SPRED1: variants seen among roughly 807,000 people sequenced by gnomAD.
SPRED1 encodes sprouty related EVH1 domain containing 1.
Under a neutral mutation model 52.3 loss-of-function variants are expected in SPRED1, and 18 were observed. The observed-to-expected ratio is 0.34, with a 90% confidence interval of 0.24 to 0.51. The LOEUF is 0.51. Among genes scored for constraint, SPRED1 ranks in the 20% least tolerant of loss-of-function variants. SPRED1 has a pLI of 0.97. For missense variants in SPRED1, 485 were observed against 551.0 expected (o/e 0.88, Z 1.20); for synonymous variants, 155 against 179.7 (o/e 0.86, Z 1.10).
At position 38,324,614 on chromosome 15, in the gene SPRED1, G is replaced by A. The variant is rs1879939; in HGVS notation, c.377-149G>A. 600,106 of 618,086 alleles carry A rather than the reference G, an allele frequency of 0.97. 293,537 individuals are homozygous for A. Among genetic ancestry groups the A allele is most frequent in the East Asian group, 1 (35,739 of 35,740 alleles). 38.3% of individuals were successfully genotyped at this position (618,086 alleles called of 1,614,324 possible). A position where few individuals can be genotyped will look rare whatever the true frequency, so the allele number is the denominator to read the frequency against. ...CTCCATTATTCTAACAGGGGCAAATGCAAGTGGCCAGTACCTTAATTGCCA... is the reference window on the plus strand; with the variant it reads ...CTCCATTATTCTAACAGGGGCAAATACAAGTGGCCAGTACCTTAATTGCCA... On this transcript the variant is annotated intron_variant, in intron 3 of 6. Coordinates refer to ENST00000299084, the MANE Select transcript of SPRED1 (RefSeq NM_152594.3).
intron 2 of SPRED1, among the ~76,000 whole-genome samples, chr15:38,321,856 A>G (rs1242303179): frequency 6.6e-6 from 1 of 152,170 alleles, no homozygotes; most frequent in Non-Finnish European, 1.5e-5. Context: ...CGGCCTCCCA[A>G]AGTGCTGGGA....
chr15:38,351,268 G>A lies in SPRED1; in HGVS notation c.939G>A (p.Thr313=), dbSNP rs140644874. Reference sequence around the variant, plus strand: ...CCAAAGACTCTGTGGTATTTAAGACGCAGCCTTCCTCATTAAAAATTAAGA... The same window carrying A: ...CCAAAGACTCTGTGGTATTTAAGACACAGCCTTCCTCATTAAAAATTAAGA... ...SSPKDSVVFK[T]QPSSLKIKKS... Residue 313 remains threonine, a synonymous_variant, in exon 7 of 7, where the codon ACG becomes ACA. Transcript: ENST00000299084. 1,198 of 1,614,090 alleles carry A rather than the reference G, an allele frequency of 7.4e-4. No individual in the cohort carries two copies. Among genetic ancestry groups the A allele is most frequent in the Non-Finnish European group, 8.8e-4 (1,038 of 1,180,014 alleles).
At chr15:38,316,975 T>C (rs1461665217) in intron 2 of SPRED1, among the ~76,000 whole-genome samples, 1 of 151,786 alleles carries the variant, frequency 6.6e-6, no homozygotes, top group Non-Finnish European at 1.5e-5. Flanking sequence ...ACATTTAATA[T>C]TTACTTTACA....
chr15:38,335,085 AC>A (rs1326292372), intron 4 of SPRED1, among the ~76,000 whole-genome samples: 1 of 152,106 alleles, frequency 6.6e-6, no homozygotes, highest in Non-Finnish European at 1.5e-5. Flanking sequence ...TTATATACTT[AC>A]ATTCCATTTC....
In SPRED1 at chr15:38,355,706, A is replaced by C. The variant is rs189589145; in HGVS notation, c.*4042A>C. 3.9e-5 allele frequency: 6 copies of C among 152,364 alleles called. No individual in the cohort carries two copies. In the East Asian group the frequency reaches 1.2e-3, roughly 29 times the overall value. The allele number at this position is 152,364 out of a possible 1,614,324, so 9.4% of individuals were successfully genotyped here. ...AAACTTAGAAAACTTTAGTTACCTG[A>C]AAAGCAAGGATTCTTTACTAATTAT... On this transcript the variant is annotated 3_prime_UTR_variant, in exon 7 of 7. Coordinates refer to ENST00000299084, the MANE Select transcript of SPRED1 (RefSeq NM_152594.3).
intron 2 of SPRED1, among the ~76,000 whole-genome samples, chr15:38,306,768 T>G (rs895542260): frequency 6.6e-6 from 1 of 152,226 alleles, no homozygotes; most frequent in Admixed American, 6.5e-5. Flanking sequence ...CTGGTTGCCT[T>G]TATTTTCTCA....
At chr15:38,279,149 G>A (rs1314298077) in intron 1 of SPRED1, among the ~76,000 whole-genome samples, 1 of 152,064 alleles carries the variant, frequency 6.6e-6, no homozygotes, top group African/African-American at 2.4e-5. Context: ...TTTGATCCAA[G>A]GTTGGTTGCA....
rs553203808 is a variant in SPRED1 at position 38,266,345 on chromosome 15, T to G, written c.32+13128T>G. ...AAGAACATATAACAGCCTTAAATGA[T>G]GTATCAAATTAGGGCCAGGCACGGT... On this transcript the variant is annotated intron_variant, in intron 1 of 6. Coordinates refer to ENST00000299084, the MANE Select transcript of SPRED1 (RefSeq NM_152594.3). Among the ~76,000 whole-genome samples the G allele has an allele frequency of 5.6e-4, 85 of 152,276 alleles. No individual in the cohort carries two copies. The Middle Eastern group carries it at 0.01, about 18-fold the overall frequency.
At chr15:38,311,844 A>G (rs377426225) in intron 2 of SPRED1, among the ~76,000 whole-genome samples, 4 of 152,022 alleles carry the variant, frequency 2.6e-5, no homozygotes, top group East Asian at 3.9e-4. Flanking sequence ...ATTGGTTTTT[A>G]GAAAAGTAGT....
chr15:38,266,860 T>A (rs571437693), intron 1 of SPRED1, among the ~76,000 whole-genome samples: 31 of 152,300 alleles, frequency 2.0e-4, no homozygotes, highest in African/African-American at 7.5e-4. Flanking sequence ...TTATTGGATG[T>A]TGTATATAGA....
chr15:38,285,750 A>G (rs1194097202), intron 1 of SPRED1, among the ~76,000 whole-genome samples: 2 of 152,148 alleles, frequency 1.3e-5, no homozygotes, highest in South Asian at 2.1e-4. Flanking sequence ...AGATCACTCA[A>G]ATGTTCCTGG....
At chr15:38,259,607 G>C (rs1894165587) in intron 1 of SPRED1, among the ~76,000 whole-genome samples, 1 of 152,080 alleles carries the variant, frequency 6.6e-6, no homozygotes, top group Non-Finnish European at 1.5e-5. Context: ...GTAAACAAAG[G>C]CTATTGGGCT....
At chr15:38,258,132 TTAAA>T (rs1208967977) in intron 1 of SPRED1, among the ~76,000 whole-genome samples, 1 of 152,220 alleles carries the variant, frequency 6.6e-6, no homozygotes, top group African/African-American at 2.4e-5. Flanking sequence ...AATTCTGCCA[TTAAA>T]TAACAGCTGC....
intron 1 of SPRED1, among the ~76,000 whole-genome samples, chr15:38,260,985 C>G (rs925477384): frequency 1.3e-5 from 2 of 152,118 alleles, no homozygotes; most frequent in South Asian, 4.1e-4. Flanking sequence ...TTTTTAAGAA[C>G]TAGCAAATCA....
intron 1 of SPRED1, chr15:38,268,265 T>C (rs982127760): frequency 2.6e-5 from 4 of 152,218 alleles, no homozygotes; most frequent in Admixed American, 6.5e-5. Flanking sequence ...TTTAGTATTA[T>C]CTCTTATTTT....
intron 1 of SPRED1, among the ~76,000 whole-genome samples, chr15:38,277,318 C>A (rs7165021): frequency 0.83 from 125,435 of 151,964 alleles, 52,523 homozygotes; most frequent in Non-Finnish European, 0.9. Context: ...TTCTTTGTGT[C>A]CATGTGTACT....
chr15:38,348,554 C>A (rs994934677), intron 5 of SPRED1, among the ~76,000 whole-genome samples: 3 of 151,940 alleles, frequency 2.0e-5, no homozygotes, highest in African/African-American at 7.2e-5. Flanking sequence ...ACTTCATGTG[C>A]TTTTATACTA....
intron 4 of SPRED1, chr15:38,325,802 T>C (rs1177119171): frequency 6.6e-6 from 1 of 152,192 alleles, no homozygotes; most frequent in East Asian, 1.9e-4. Flanking sequence ...AGTTGTGGCA[T>C]GTTTTCATTG....
chr15:38,332,043 G>A (rs75791164), intron 4 of SPRED1, among the ~76,000 whole-genome samples: 4,246 of 152,174 alleles, frequency 0.028, 71 homozygotes, highest in South Asian at 0.07. Flanking sequence ...AGTGTAACTT[G>A]TATACTGGTA....
Sources: allele counts gnomAD v4.1 joint callset (sites outside exome capture counted in the v4.1 genomes callset), GRCh38; gene constraint gnomAD v4.1.1; transcripts MANE v1.5; gene names NCBI Gene and HGNC (gene_info 2026-07-23, HGNC 2026-07-21).